The following LCP1 variants were observed in gnomAD, a reference collection of about 807,000 sequenced individuals.
LCP1 encodes the protein plastin-2.
A neutral mutation model predicts 72.0 loss-of-function variants in LCP1; 23 were observed. The observed-to-expected ratio is 0.32, with a 90% CI of 0.23 to 0.45. The LOEUF (loss-of-function observed/expected upper bound fraction) is 0.45. LCP1 is among the 20% of genes least tolerant of loss of function. LCP1 has a pLI of 1.00. For missense variants in LCP1, 571 were observed against 748.3 expected (o/e 0.76, Z 2.76); for synonymous variants, 245 against 275.4 (o/e 0.89, Z 1.09).
intron 13 of LCP1, 62 bp downstream of exon 13, chr13:46,142,230 G>T (rs1284766788): frequency 1.2e-5 from 19 of 1,525,710 alleles, no homozygotes; most frequent in Non-Finnish European, 1.6e-5. Flanking sequence ...CTAAAAATTT[G>T]CTAATATTTG....
At chr13:46,174,010 TTC>T (rs1442704603) in intron 1 of LCP1, among the ~76,000 whole-genome samples, 1 of 152,200 alleles carries the variant, frequency 6.6e-6, no homozygotes. Flanking sequence ...TCAGAACTGA[TTC>T]TGTTATCCTG....
intron 6 of LCP1, 112 bp from the exon 7 acceptor site, chr13:46,153,057 C>A: frequency 9.8e-7 from 1 of 1,023,820 alleles, no homozygotes; most frequent in Non-Finnish European, 1.4e-6. Flanking sequence ...GGTTTAGAGT[C>A]ATGGTCTTCA....
intron 1 of LCP1, among the ~76,000 whole-genome samples, chr13:46,177,597 G>A (rs369794237): frequency 1.4e-4 from 21 of 152,168 alleles, no homozygotes; most frequent in Admixed American, 6.5e-4. Context: ...CCGAGATCAC[G>A]CAACTGTACT....
chr13:46,160,367 T>A (rs769612852), intron 1 of LCP1, among the ~76,000 whole-genome samples: 1 of 152,234 alleles, frequency 6.6e-6, no homozygotes, highest in Non-Finnish European at 1.5e-5. Context: ...TTTAGAGTAG[T>A]TACCCAGCAA....
intron 14 of LCP1, among the ~76,000 whole-genome samples, chr13:46,132,768 G>A (rs989371427): frequency 2.6e-5 from 4 of 152,110 alleles, no homozygotes; most frequent in Non-Finnish European, 4.4e-5. Context: ...CAGAGGTGAC[G>A]GTTATCTGTG....
intron 15 of LCP1, among the ~76,000 whole-genome samples, chr13:46,129,485 G>T (rs1225795472): frequency 2.0e-5 from 3 of 152,142 alleles, no homozygotes; most frequent in Admixed American, 6.5e-5. Context: ...CAGCTGAGCT[G>T]CTATTTGCTC....
Position 46,158,545 on chromosome 13 carries a change from A to T in LCP1, c.335T>A (p.Val112Asp). The T allele has an allele frequency of 6.2e-7, 1 of 1,614,174 alleles. No homozygotes were observed. Among genetic ancestry groups the T allele is most frequent in the South Asian group, 1.1e-5 (1 of 91,084 alleles). ...AIGGTSEQSS[V>D]GTQHSYSEEE... is the part of the protein sequence containing the mutation. ...ACCTGAATAGGAGTGTTGGGTGCCA[A>T]CGCTAGACTGCTCTGAAGTACCACC... is the stretch of plus-strand genomic sequence containing the variant. Residue 112 changes from valine to aspartate, a missense_variant, in exon 4 of 16, where the codon GTT becomes GAT. Val to Asp is a radical substitution (Grantham distance 152). Transcript: ENST00000323076.
Position 46,146,914 on chromosome 13 carries a change from G to A in LCP1, c.1168C>T (p.Leu390Phe). 2 of 1,614,094 alleles carry A rather than the reference G, an allele frequency of 1.2e-6. No homozygotes were observed. Among genetic ancestry groups the A allele is most frequent in the Non-Finnish European group, 1.7e-6 (2 of 1,179,988 alleles). ...GCAAATCGTTTACAGTTACCTTCAA[G>A]AGCCCCCCAGTCAATGTCCTGGTTC... is the stretch of plus-strand genomic sequence containing the variant. ...PENQDIDWGA[L>F]EGETREERTF... Residue 390 changes from leucine to phenylalanine, a missense_variant, in exon 10 of 16, where the codon CTT becomes TTT. Transcript: ENST00000323076.
At chr13:46,163,335 C>A (rs2138270132) in intron 1 of LCP1, among the ~76,000 whole-genome samples, 1 of 152,312 alleles carries the variant, frequency 6.6e-6, no homozygotes, top group East Asian at 1.9e-4. Context: ...TATAACCTTA[C>A]CCCCAACCCC....
At chr13:46,166,210 A>C (rs2045875649) in intron 1 of LCP1, among the ~76,000 whole-genome samples, 1 of 152,258 alleles carries the variant, frequency 6.6e-6, no homozygotes, top group Admixed American at 6.5e-5. Context: ...AACATCCTCT[A>C]AAGTAAATGT....
rs74074031 is a variant in LCP1 at position 46,169,947 on chromosome 13, G to A, written c.-24-10261C>T. On this transcript the variant is annotated intron_variant, in intron 1 of 15. Transcript: ENST00000323076. Reference sequence around the variant, plus strand: ...TTTCAGGCATCCTGTTCTGGAGGCTGGGGAGAATCAGTGAGCCCTTCCTCT... The same window carrying A: ...TTTCAGGCATCCTGTTCTGGAGGCTAGGGAGAATCAGTGAGCCCTTCCTCT... Among the ~76,000 whole-genome samples the A allele has an allele frequency of 9.6e-3, 1,461 of 152,308 alleles. 25 individuals carry two copies. Among genetic ancestry groups the A allele is most frequent in the African/African-American group, 0.032 (1,349 of 41,552 alleles).
intron 6 of LCP1, among the ~76,000 whole-genome samples, chr13:46,153,823 T>TAC (rs975911036): frequency 6.6e-6 from 1 of 152,194 alleles, no homozygotes; most frequent in African/African-American, 2.4e-5. Flanking sequence ...AACCTGAGTA[T>TAC]ACACACACAT....
intron 14 of LCP1, 99 bp from the exon 15 acceptor site, chr13:46,131,037 A>T: frequency 8.3e-7 from 1 of 1,198,508 alleles, no homozygotes; most frequent in South Asian, 1.7e-5. Flanking sequence ...AATATATAAT[A>T]TATACAGCCT....
chr13:46,148,043 CAGA>C (rs754984304), intron 9 of LCP1, among the ~76,000 whole-genome samples: 42 of 152,172 alleles, frequency 2.8e-4, no homozygotes, highest in Non-Finnish European at 5.3e-4. Flanking sequence ...GGCGGCAAAA[CAGA>C]AGTTTTATTA....
At chr13:46,156,897 C>T (rs949053536) in intron 4 of LCP1, among the ~76,000 whole-genome samples, 1 of 151,164 alleles carries the variant, frequency 6.6e-6, no homozygotes, top group Non-Finnish European at 1.5e-5. Flanking sequence ...TCTCGGCTCA[C>T]TGCAAGCTCT....
chr13:46,176,496 T>C (rs957745345), intron 1 of LCP1, among the ~76,000 whole-genome samples: 8 of 152,236 alleles, frequency 5.3e-5, no homozygotes, highest in Non-Finnish European at 7.3e-5. Context: ...AAACTTTGCC[T>C]AAGGAATGCT....
chr13:46,130,893 C>T lies in LCP1; in HGVS notation c.1672G>A (p.Ala558Thr). The change falls in exon 15 of 16, where the codon GCC (alanine) becomes ACC (threonine). Residue 558 changes from alanine to threonine, a missense_variant. By Grantham distance (58) the Ala-to-Thr change is moderately conservative. Transcript: ENST00000323076. Reference protein sequence around the residue: ...TSLPVLDLIDAIQPGSINYDL... With the variant: ...TSLPVLDLIDTIQPGSINYDL... ...TAGTTAATGGAACCTGGTTGGATGGCATCGATGAGGTCCAGAACAGGCAGA... is the reference window on the plus strand; with the variant it reads ...TAGTTAATGGAACCTGGTTGGATGGTATCGATGAGGTCCAGAACAGGCAGA... 1.9e-6 allele frequency: 3 copies of T among 1,612,622 alleles called. No individual in the cohort carries two copies. The highest frequency in any genetic ancestry group is 4.5e-5 in the East Asian group (2 of 44,718).
Position 46,125,927 on chromosome 13 carries a change from G to A in LCP1, c.*1664C>T, listed in dbSNP as rs12583876. On this transcript the variant is annotated 3_prime_UTR_variant, in exon 16 of 16. Transcript: ENST00000323076. ...GAAACATCCAGAGACACCTAATATA[G>A]GGAACATTTTATTTGGAAAGATTTT... 0.26 allele frequency: 46,755 copies of A among 182,796 alleles called. 6,339 individuals are homozygous for A. Among genetic ancestry groups the A allele is most frequent in the South Asian group, 0.44 (2,226 of 5,076 alleles). The allele number at this position is 182,796 out of a possible 1,614,324, so 11.3% of individuals were successfully genotyped here.
chr13:46,133,566 C>A (rs2045645992), intron 14 of LCP1, among the ~76,000 whole-genome samples: 1 of 151,920 alleles, frequency 6.6e-6, no homozygotes, highest in Admixed American at 6.5e-5. Context: ...GTTGAGGCTG[C>A]AGTGAGCCAC....
Sources: gnomAD v4.1 joint callset for allele counts (sites outside exome capture counted in the v4.1 genomes callset) on GRCh38, gnomAD v4.1.1 for gene constraint, MANE v1.5 for transcripts, NCBI Gene and HGNC (gene_info 2026-07-23, HGNC 2026-07-21) for gene names.